The following MCUB variants were observed in gnomAD, a reference collection of about 807,000 sequenced individuals.
MCUB encodes the protein mitochondrial calcium uniporter dominant negative subunit beta.
A neutral mutation model predicts 41.4 loss-of-function variants in MCUB; 46 were observed. The observed-to-expected ratio is 1.11, with a 90% CI of 0.88 to 1.42. MCUB has a LOEUF of 1.42. Among genes scored for constraint, MCUB ranks in the 40% most tolerant of loss-of-function variants. The probability of loss-of-function intolerance (pLI) is 0.00; values close to 1 mark genes in which losing one functional copy is unlikely to be tolerated. For synonymous variants in MCUB, 148 were observed against 148.2 expected (o/e 1.00, Z 0.01); for missense variants, 403 against 404.9 (o/e 1.00, Z 0.04).
intron 1 of MCUB, among the ~76,000 whole-genome samples, chr4:109,574,154 T>TG (rs1052112249): frequency 1.3e-5 from 2 of 152,058 alleles, no homozygotes; most frequent in African/African-American, 4.8e-5. Context: ...TGTGCCCGAC[T>TG]GGGGCTGCAT....
At chr4:109,633,859 A>G (rs1430418024) in intron 1 of MCUB, among the ~76,000 whole-genome samples, 1 of 152,144 alleles carries the variant, frequency 6.6e-6, no homozygotes, top group African/African-American at 2.4e-5. Context: ...TTCTTATCTA[A>G]GAGACACCAC....
intron 1 of MCUB, among the ~76,000 whole-genome samples, chr4:109,584,826 T>A (rs191177700): frequency 6.6e-6 from 1 of 152,328 alleles, no homozygotes; most frequent in East Asian, 1.9e-4. Flanking sequence ...GACAGTTTGT[T>A]GTGATTTCTG....
chr4:109,648,695 T>C (rs1728891246), intron 1 of MCUB: 1 of 109,054 alleles, frequency 9.2e-6, no homozygotes, highest in Non-Finnish European at 1.6e-5. Context: ...AGCAGTTTGA[T>C]TTTTTTTTTT....
At chr4:109,656,870 T>C (rs1393309124) in intron 1 of MCUB, among the ~76,000 whole-genome samples, 4 of 152,200 alleles carry the variant, frequency 2.6e-5, no homozygotes, top group Non-Finnish European at 5.9e-5. Flanking sequence ...GTTGCATCTA[T>C]TTTAAGACAT....
At chr4:109,672,345 G>C (rs1163993127) in intron 4 of MCUB, among the ~76,000 whole-genome samples, 1 of 152,096 alleles carries the variant, frequency 6.6e-6, no homozygotes, top group Non-Finnish European at 1.5e-5. Flanking sequence ...GATCTTCACT[G>C]TGAGAACCTG....
chr4:109,616,501 C>G (rs1579067468), intron 1 of MCUB, among the ~76,000 whole-genome samples: 2 of 152,234 alleles, frequency 1.3e-5, no homozygotes, highest in African/African-American at 4.8e-5. Flanking sequence ...AGCTCTAAAT[C>G]TTGTCATCCT....
chr4:109,598,302 A>T lies in MCUB; in HGVS notation c.99+37866A>T, dbSNP rs1312754499. 2.0e-5 allele frequency among the ~76,000 whole-genome samples: 3 copies of T among 152,076 alleles called. No individual in the cohort carries two copies. The East Asian group carries it at 5.8e-4, about 29-fold the overall frequency. ...CATGCCACTGCACTCCAGCCGGGGC[A>T]CCATTGAGCACTGAGTGAACGAGAC... On this transcript the variant is annotated intron_variant, in intron 1 of 7. Transcript: ENST00000394650.
At chr4:109,639,119 A>G (rs948547713) in intron 1 of MCUB, among the ~76,000 whole-genome samples, 7 of 152,208 alleles carry the variant, frequency 4.6e-5, no homozygotes, top group Non-Finnish European at 8.8e-5. Context: ...CTTTCTAGAA[A>G]GGTCTCAATG....
chr4:109,667,321 C>T (rs1024422068), intron 4 of MCUB, among the ~76,000 whole-genome samples: 3 of 151,838 alleles, frequency 2.0e-5, no homozygotes, highest in African/African-American at 4.8e-5. Context: ...ATAGATTGTA[C>T]CTTTTAGAGA....
intron 1 of MCUB, among the ~76,000 whole-genome samples, chr4:109,612,688 C>T (rs1242394748): frequency 1.3e-5 from 2 of 152,152 alleles, no homozygotes; most frequent in Non-Finnish European, 2.9e-5. Flanking sequence ...AGGGCTGTAA[C>T]ATATAAATGG....
intron 1 of MCUB, among the ~76,000 whole-genome samples, chr4:109,563,027 A>G (rs1388795336): frequency 6.6e-6 from 1 of 152,232 alleles, no homozygotes; most frequent in Non-Finnish European, 1.5e-5. Context: ...TGGTGGCAGC[A>G]TCTCTGCTTG....
intron 4 of MCUB, among the ~76,000 whole-genome samples, chr4:109,681,849 A>G (rs1729723787): frequency 6.6e-6 from 1 of 152,252 alleles, no homozygotes; most frequent in Non-Finnish European, 1.5e-5. Flanking sequence ...TCGAGCAGTA[A>G]CAAACACGAA....
chr4:109,662,455 G>A (rs1188479785), intron 3 of MCUB, among the ~76,000 whole-genome samples: 1 of 152,156 alleles, frequency 6.6e-6, no homozygotes, highest in Non-Finnish European at 1.5e-5. Context: ...AATGATAGAT[G>A]TTTATCCTGC....
At chr4:109,636,340 C>T (rs958998697) in intron 1 of MCUB, among the ~76,000 whole-genome samples, 2 of 152,140 alleles carry the variant, frequency 1.3e-5, no homozygotes, top group Non-Finnish European at 2.9e-5. Context: ...TTCAAGCCAT[C>T]AGCAAAGTAA....
intron 1 of MCUB, among the ~76,000 whole-genome samples, chr4:109,575,915 C>G (rs1222898407): frequency 6.7e-6 from 1 of 149,510 alleles, no homozygotes; most frequent in Non-Finnish European, 1.5e-5. Flanking sequence ...TCACTCTTAT[C>G]TACCTGGTTT....
chr4:109,582,440 G>A (rs1020281952), intron 1 of MCUB, among the ~76,000 whole-genome samples: 2 of 150,572 alleles, frequency 1.3e-5, no homozygotes, highest in African/African-American at 4.9e-5. Context: ...GATGAGTAAA[G>A]GGTGCAGCAC....
At chr4:109,567,131 CAAAAAAA>C (rs397994929) in intron 1 of MCUB, among the ~76,000 whole-genome samples, 1 of 56,000 alleles carries the variant, frequency 1.8e-5, no homozygotes, top group Non-Finnish European at 3.9e-5. Flanking sequence ...GACTCCATCT[CAAAAAAA>C]AAAAAAAAAA....
chr4:109,662,633 A>T (rs772335945), intron 3 of MCUB, among the ~76,000 whole-genome samples: 12 of 152,218 alleles, frequency 7.9e-5, no homozygotes, highest in Non-Finnish European at 1.6e-4. Context: ...CTAGTGCTTA[A>T]AAATGTTTCA....
intron 1 of MCUB, among the ~76,000 whole-genome samples, chr4:109,618,613 G>A (rs1208865616): frequency 6.6e-6 from 1 of 152,124 alleles, no homozygotes; most frequent in Non-Finnish European, 1.5e-5. Flanking sequence ...TAACTAAATG[G>A]CAAGTGAGAA....
Sources: gnomAD v4.1 joint callset for allele counts (sites outside exome capture counted in the v4.1 genomes callset) on GRCh38, gnomAD v4.1.1 for gene constraint, MANE v1.5 for transcripts, NCBI Gene and HGNC (gene_info 2026-07-23, HGNC 2026-07-21) for gene names.